The following PCDHGA6 variants were observed in gnomAD, a reference collection of about 807,000 sequenced individuals.
The protein encoded by PCDHGA6 is protocadherin gamma-A6.
PCDHGA6 carries 41 observed loss-of-function variants against 60.6 expected under a neutral mutation model. That is an observed-to-expected ratio of 0.68 (90% CI 0.53 to 0.88). The LOEUF is 0.88. Ranked by LOEUF, PCDHGA6 falls within the 40% of genes least tolerant of loss-of-function variation. PCDHGA6 has a pLI of 0.00. For synonymous variants in PCDHGA6, 594 were observed against 524.4 expected, an observed-to-expected ratio of 1.13 and a Z score of -1.81; for missense variants, 1,312 against 1,203.0, an observed-to-expected ratio of 1.09 and a Z score of -1.34.
At position 141,477,966 on chromosome 5, in the gene PCDHGA6, G is replaced by T; in HGVS notation, c.2425-16841G>T. 1 of 1,614,118 alleles carries T rather than the reference G, an allele frequency of 6.2e-7. No individual in the cohort carries two copies. The highest frequency in any genetic ancestry group is 8.5e-7 in the Non-Finnish European group (1 of 1,180,036). On this transcript the variant is annotated intron_variant, in intron 1 of 3. Coordinates refer to ENST00000517434, the MANE Select transcript of PCDHGA6 (RefSeq NM_018919.3). This position sits in a 1 kb window ranked among gnomAD's most constrained non-coding sequence, Gnocchi z 4.9. ...AGTCTCTTGGGATCCCCTAACCAGA[G>T]CCTTTTTGCCATAGGGCTGCACACT...
intron 1 of PCDHGA6, chr5:141,427,927 T>C (rs1238523389): frequency 6.3e-7 from 1 of 1,580,112 alleles, no homozygotes; most frequent in Non-Finnish European, 8.7e-7. Context: ...AGCCGGCGCA[T>C]GTTGGTGGGC....
chr5:141,419,870 G>C, intron 1 of PCDHGA6: 1 of 1,614,054 alleles, frequency 6.2e-7, no homozygotes, highest in Non-Finnish European at 8.5e-7. Context: ...CTTGCAAGAG[G>C]TACTGCCGGA....
chr5:141,477,778 C>A lies in PCDHGA6; in HGVS notation c.2425-17029C>A. The stretch of plus-strand genomic sequence containing the variant: ...TCCTAGCCACCAACATCAGCGTGAA[C>A]ATATTTGTCACTGATCGCAATGACA... On this transcript the variant is annotated intron_variant, in intron 1 of 3. Coordinates refer to ENST00000517434, the MANE Select transcript of PCDHGA6 (RefSeq NM_018919.3). The surrounding 1 kb of genome is among the most constrained non-coding windows in gnomAD (Gnocchi z 4.9). The A allele has an allele frequency of 6.2e-7, 1 of 1,614,052 alleles. No individual in the cohort carries two copies. The highest frequency in any genetic ancestry group is 8.5e-7 in the Non-Finnish European group (1 of 1,180,040).
chr5:141,425,979 A>T lies in PCDHGA6; in HGVS notation c.2424+49472A>T, dbSNP rs114212354. ...GTCCAACACATCAGTCTAATTCTGA[A>T]TCCCATTGAATTAGCAAAGGCTTCC... On this transcript the variant is annotated intron_variant, in intron 1 of 3. Coordinates refer to ENST00000517434, the MANE Select transcript of PCDHGA6 (RefSeq NM_018919.3). Among the ~76,000 whole-genome samples, 592 of 152,328 alleles carry T rather than the reference A, an allele frequency of 3.9e-3. 5 individuals carry two copies. Among genetic ancestry groups the T allele is most frequent in the African/African-American group, 0.014 (563 of 41,580 alleles).
In PCDHGA6 at chr5:141,476,303, G is replaced by T. The variant is rs747567754; in HGVS notation, c.2425-18504G>T. ...TGGTTTGGATCTCGGTAGCCTCTCA[G>T]CCCGCAGGTTCCGGGTGGTGTCTGG... is the stretch of plus-strand genomic sequence containing the variant. On this transcript the variant is annotated intron_variant, in intron 1 of 3. Coordinates refer to ENST00000517434, the MANE Select transcript of PCDHGA6 (RefSeq NM_018919.3). The surrounding 1 kb of genome is among the most constrained non-coding windows in gnomAD (Gnocchi z 7.6). 6.2e-7 allele frequency: 1 copy of T among 1,613,872 alleles called. No individual in the cohort carries two copies. Among genetic ancestry groups the T allele is most frequent in the Admixed American group, 1.7e-5 (1 of 60,000 alleles).
intron 1 of PCDHGA6, among the ~76,000 whole-genome samples, chr5:141,434,452 G>T (rs2097695209): frequency 6.6e-6 from 1 of 152,334 alleles, no homozygotes; most frequent in African/African-American, 2.4e-5. Flanking sequence ...CTGGAAGGTA[G>T]TGGGTTTACC....
chr5:141,385,404 G>C, intron 1 of PCDHGA6: 1 of 1,482,648 alleles, frequency 6.7e-7, no homozygotes, highest in Non-Finnish European at 8.9e-7. Context: ...CAAATGTTTT[G>C]AAAATAGGGA....
chr5:141,449,588 CAAA>C (rs768743917), intron 1 of PCDHGA6, among the ~76,000 whole-genome samples: 1 of 57,486 alleles, frequency 1.7e-5, no homozygotes, highest in Non-Finnish European at 3.7e-5. Context: ...GACTCTGTCT[CAAA>C]AAAAAAAAAA....
chr5:141,379,238 A>C (rs1775465373), intron 1 of PCDHGA6: 1 of 152,242 alleles, frequency 6.6e-6, no homozygotes, highest in Non-Finnish European at 1.5e-5. Flanking sequence ...CTGAACCAAT[A>C]TTGTGGTATT....
chr5:141,459,139 A>G (rs1592605909), intron 1 of PCDHGA6, among the ~76,000 whole-genome samples: 1 of 152,360 alleles, frequency 6.6e-6, no homozygotes, highest in Non-Finnish European at 1.5e-5. Flanking sequence ...ACCACCATGC[A>G]ATCAAAATAT....
At chr5:141,423,238 G>A (rs765040062) in intron 1 of PCDHGA6, 3 of 1,613,778 alleles carry the variant, frequency 1.9e-6, no homozygotes, top group South Asian at 1.1e-5. Flanking sequence ...CAGCATCCCC[G>A]AAGTCCTGGC....
In PCDHGA6 at chr5:141,485,049, G is replaced by C. The variant is rs1271101804; in HGVS notation, c.2425-9758G>C. On this transcript the variant is annotated intron_variant, in intron 1 of 3. Coordinates refer to ENST00000517434, the MANE Select transcript of PCDHGA6 (RefSeq NM_018919.3). The surrounding 1 kb of genome is among the most constrained non-coding windows in gnomAD (Gnocchi z 5.7). ...AACGGCGCGTAACCCTTGCGGCGCC[G>C]GCCGAACCGCGCCAGAGCTGGCGCG... 1 of 780,438 alleles carries C rather than the reference G, an allele frequency of 1.3e-6. No homozygotes were observed. The highest frequency in any genetic ancestry group is 2.1e-6 in the Non-Finnish European group (1 of 469,234). The allele number at this position is 780,438 out of a possible 1,614,324, so 48.3% of individuals were successfully genotyped here. A position where few individuals can be genotyped will look rare whatever the true frequency, so the allele number is the denominator to read the frequency against.
intron 1 of PCDHGA6, chr5:141,398,155 C>G (rs1238092530): frequency 1.3e-5 from 19 of 1,492,684 alleles, no homozygotes; most frequent in Non-Finnish European, 1.7e-5. Flanking sequence ...GGAGCTGGGC[C>G]GGGCTGAGAG....
At chr5:141,395,375 G>A (rs761076022) in intron 1 of PCDHGA6, 34 of 1,180,184 alleles carry the variant, frequency 2.9e-5, no homozygotes, top group Non-Finnish European at 3.3e-5. Flanking sequence ...TTTTGGTGGT[G>A]TTACTATAAA....
intron 1 of PCDHGA6, chr5:141,400,290 C>G (rs1455484413): frequency 3.1e-6 from 5 of 1,613,972 alleles, no homozygotes; most frequent in Non-Finnish European, 3.4e-6. Context: ...CCGCCTGGAG[C>G]TGCTTCCAAC....
chr5:141,423,832 T>G, intron 1 of PCDHGA6: 113 of 1,253,376 alleles, frequency 9.0e-5, no homozygotes, highest in East Asian at 2.6e-4. Context: ...TTTCATGAGA[T>G]TACGATAATC....
intron 1 of PCDHGA6, chr5:141,414,590 G>A: frequency 6.2e-7 from 1 of 1,613,936 alleles, no homozygotes; most frequent in Non-Finnish European, 8.5e-7. Flanking sequence ...AACGCCAGGG[G>A]TGCCTCCATC....
At position 141,389,262 on chromosome 5, in the gene PCDHGA6, G is replaced by A. The variant is rs1017721134; in HGVS notation, c.2424+12755G>A. On this transcript the variant is annotated intron_variant, in intron 1 of 3. Coordinates refer to ENST00000517434, the MANE Select transcript of PCDHGA6 (RefSeq NM_018919.3). Reference sequence around the variant, plus strand: ...ACAGTCTTCCTATATAGTCCACGTGGCCGAGAACAACCCGCCTGGAGCCTC... The same window carrying A: ...ACAGTCTTCCTATATAGTCCACGTGACCGAGAACAACCCGCCTGGAGCCTC... 5 of 1,613,910 alleles carry A rather than the reference G, an allele frequency of 3.1e-6. No individual in the cohort carries two copies. The highest frequency in any genetic ancestry group is 1.3e-5 in the African/African-American group (1 of 74,940).
chr5:141,504,963 AC>A (rs1409940135), intron 2 of PCDHGA6, among the ~76,000 whole-genome samples: 1 of 152,038 alleles, frequency 6.6e-6, no homozygotes, highest in Non-Finnish European at 1.5e-5. Context: ...AATGCATTGG[AC>A]CAGCCTGGCC....
Sources: gnomAD v4.1 joint callset for allele counts (sites outside exome capture counted in the v4.1 genomes callset) on GRCh38, gnomAD v4.1.1 for gene constraint, Gnocchi (gnomAD v3.1) non-coding constraint, MANE v1.5 for transcripts, NCBI Gene and HGNC (gene_info 2026-07-23, HGNC 2026-07-21) for gene names.